Variants in FMNL1 observed in about 807,000 individuals in gnomAD.
FMNL1 encodes the protein formin like 1.
FMNL1 carries 43 observed loss-of-function variants against 121.3 expected under a neutral mutation model. That is an observed-to-expected ratio of 0.35 (90% CI 0.28 to 0.46). The LOEUF is 0.46. FMNL1 is among the 20% of genes least tolerant of loss of function. The probability of loss-of-function intolerance (pLI) is 1.00; values close to 1 mark genes in which losing one functional copy is unlikely to be tolerated. For synonymous variants in FMNL1, 613 were observed against 613.5 expected, an observed-to-expected ratio of 1.00 and a Z score of 0.01; for missense variants, 1,191 against 1,482.4, an observed-to-expected ratio of 0.80 and a Z score of 3.23.
Position 45,231,660 on chromosome 17 carries a change from G to A in FMNL1, c.214-707G>A, listed in dbSNP as rs1216057944. Among the ~76,000 whole-genome samples, 1 of 152,126 alleles carries A rather than the reference G, an allele frequency of 6.6e-6. No homozygotes were observed. Among genetic ancestry groups the A allele is most frequent in the Non-Finnish European group, 1.5e-5 (1 of 67,996 alleles). The stretch of plus-strand genomic sequence containing the variant: ...TTTGCCGTGGTCCCTGCCTCTTTGT[G>A]TGAGTGGCCGCTGGAGCCTGCAGTG... On this transcript the variant is annotated intron_variant, in intron 2 of 26. Coordinates refer to ENST00000331495, the MANE Select transcript of FMNL1 (RefSeq NM_005892.4). This position sits in a 1 kb window ranked among gnomAD's most constrained non-coding sequence, Gnocchi z 4.7.
Position 45,246,984 on chromosome 17 carries a change from A to T in FMNL1, c.*126A>T, listed in dbSNP as rs2043853815. On this transcript the variant is annotated 3_prime_UTR_variant, in exon 27 of 27. Transcript: ENST00000331495. ...CTCTCGCTGTAGCCGCTATTTCTGCAGGTGGATTCTGCAGGGGTGTGGGGC... is the reference window on the plus strand; with the variant it reads ...CTCTCGCTGTAGCCGCTATTTCTGCTGGTGGATTCTGCAGGGGTGTGGGGC... 1.4e-6 allele frequency: 1 copy of T among 724,976 alleles called. No individual in the cohort carries two copies. The highest frequency in any genetic ancestry group is 2.5e-6 in the Non-Finnish European group (1 of 397,512). The allele number at this position is 724,976 out of a possible 1,614,324, so 44.9% of individuals were successfully genotyped here. A position where few individuals can be genotyped will look rare whatever the true frequency, so the allele number is the denominator to read the frequency against.
intron 3 of FMNL1, chr17:45,232,890 C>T (rs762694710): frequency 5.4e-6 from 3 of 551,262 alleles, no homozygotes; most frequent in South Asian, 4.6e-5. Flanking sequence ...TATTCTATGT[C>T]TGTATTTAGA....
At chr17:45,227,654 C>A (rs1299879662) in intron 1 of FMNL1, among the ~76,000 whole-genome samples, 1 of 152,182 alleles carries the variant, frequency 6.6e-6, no homozygotes, top group Non-Finnish European at 1.5e-5. Flanking sequence ...ACCCTACCAT[C>A]CCCTACCCTG....
At chr17:45,243,762 C>T (rs1372572442) in intron 17 of FMNL1, 29 bp from the exon 18 acceptor site, 12 of 1,591,516 alleles carry the variant, frequency 7.5e-6, no homozygotes, top group Non-Finnish European at 1.0e-5. Flanking sequence ...ATGGATGATG[C>T]CCAATCTCCC....
intron 2 of FMNL1, 124 bp from the exon 3 acceptor site, chr17:45,232,243 A>G: frequency 1.3e-6 from 1 of 761,940 alleles, no homozygotes; most frequent in East Asian, 2.7e-5. Flanking sequence ...GGTATTTCAG[A>G]GGCGTCTTAA....
Position 45,231,864 on chromosome 17 carries a change from C to T in FMNL1, c.214-503C>T, listed in dbSNP as rs1156455234. On this transcript the variant is annotated intron_variant, in intron 2 of 26. Transcript: ENST00000331495. This position sits in a 1 kb window ranked among gnomAD's most constrained non-coding sequence, Gnocchi z 4.7. ...CAGCTCTGGTCCAGGGAGGGCACCA[C>T]CTGCTGGCTAGACTGAGTTCCTTCC... Among the ~76,000 whole-genome samples the T allele has an allele frequency of 6.6e-6, 1 of 152,172 alleles. No individual in the cohort carries two copies. The highest frequency in any genetic ancestry group is 1.5e-5 in the Non-Finnish European group (1 of 68,018).
At chr17:45,235,786 G>C (rs940253507) in intron 6 of FMNL1, among the ~76,000 whole-genome samples, 1 of 152,194 alleles carries the variant, frequency 6.6e-6, no homozygotes, top group Non-Finnish European at 1.5e-5. Context: ...CCTGAACCCT[G>C]GCAGTGTGAA....
chr17:45,228,781 T>A (rs11869822), intron 1 of FMNL1, among the ~76,000 whole-genome samples: 46,685 of 151,972 alleles, frequency 0.31, 8,186 homozygotes, highest in East Asian at 0.48. Flanking sequence ...GAAGCAGCTG[T>A]CCCCTCTGTG....
rs2043488119 is a variant in FMNL1, at chr17:45,233,687, G to A, written c.441G>A (p.Leu147=). The A allele has an allele frequency of 6.2e-7, 1 of 1,613,942 alleles. No individual in the cohort carries two copies. The highest frequency in any genetic ancestry group is 1.7e-5 in the Admixed American group (1 of 59,996). ...QEFLNEENRG[L]DVLLEYLAFA... ...TCCTCAATGAAGAGAACCGTGGCCT[G>A]GATGTGCTGCTCGAGTACCTGGCCT... Residue 147 remains leucine (L), a synonymous_variant, in exon 5 of 27, where the codon CTG becomes CTA. Coordinates refer to ENST00000331495, the MANE Select transcript of FMNL1 (RefSeq NM_005892.4). The surrounding 1 kb of genome is among the most constrained non-coding windows in gnomAD (Gnocchi z 4.1).
Position 45,233,938 on chromosome 17 carries a change from A to C in FMNL1, c.486-134A>C. The C allele has an allele frequency of 7.2e-7, 1 of 1,396,932 alleles. No homozygotes were observed. Among genetic ancestry groups the C allele is most frequent in the Non-Finnish European group, 9.6e-7 (1 of 1,037,988 alleles). 86.5% of individuals were successfully genotyped at this position (1,396,932 alleles called of 1,614,324 possible). ...TCTCTTCCACCACTATGTTCAGCAC[A>C]GTGCCAAGAACACAGCCTCCTCCTC... On this transcript the variant is annotated intron_variant, in intron 5 of 26. Transcript: ENST00000331495. This position sits in a 1 kb window ranked among gnomAD's most constrained non-coding sequence, Gnocchi z 4.1.
chr17:45,225,330 G>A (rs999707991), intron 1 of FMNL1, among the ~76,000 whole-genome samples: 2 of 152,220 alleles, frequency 1.3e-5, no homozygotes, highest in Admixed American at 1.3e-4. Flanking sequence ...AGGAGGGACT[G>A]CAACTGAGGC....
At chr17:45,239,126 GTTA>G (rs1459441547) in intron 11 of FMNL1, 61 bp downstream of exon 11, 2 of 1,405,912 alleles carry the variant, frequency 1.4e-6, no homozygotes, top group Admixed American at 1.7e-5. Context: ...TGGCTGAGTG[GTTA>G]GCAGCATGAG....
rs1321569538 is a variant in FMNL1, at chr17:45,243,180, C to T, written c.2073C>T (p.Asp691=). ...CCAAGTCCCAAGGCCCCAGCCTGGA[C>T]CTCAGCGCTCTCAAGAGTAAGGCAG... ...FKTKSQGPSL[D]LSALKSKAAQ... Residue 691 remains aspartate, a synonymous_variant, in exon 17 of 27, where the codon GAC becomes GAT. Transcript: ENST00000331495. 3 of 1,614,126 alleles carry T rather than the reference C, an allele frequency of 1.9e-6. No individual in the cohort carries two copies. Among genetic ancestry groups the T allele is most frequent in the Non-Finnish European group, 2.5e-6 (3 of 1,180,056 alleles).
rs1021592867 is a variant in FMNL1 at position 45,245,035 on chromosome 17, G to A, written c.2655G>A (p.Lys885=). 6.2e-7 allele frequency: 1 copy of A among 1,614,198 alleles called. No homozygotes were observed. The highest frequency in any genetic ancestry group is 8.5e-7 in the Non-Finnish European group (1 of 1,180,026). The stretch of plus-strand genomic sequence containing the variant: ...AGACGCTGCTGCACTACCTGGTGAA[G>A]GTCATTGCTGAGAAGTACCCGCAAC... The part of the protein sequence containing the change: ...RKQTLLHYLV[K]VIAEKYPQLT... The change falls in exon 21 of 27, where the codon AAG becomes AAA. Residue 885 remains lysine (K), a synonymous_variant. Transcript: ENST00000331495.
At chr17:45,238,492 A>T in intron 9 of FMNL1, 72 bp from the exon 10 acceptor site, 2 of 1,518,976 alleles carry the variant, frequency 1.3e-6, no homozygotes, top group Non-Finnish European at 1.8e-6. Context: ...GTTGAAGCAC[A>T]GGTGTGGCAG....
At chr17:45,242,211 A>G (rs1259351432) in intron 15 of FMNL1, 65 bp downstream of exon 15, 2 of 1,545,556 alleles carry the variant, frequency 1.3e-6, no homozygotes, top group Non-Finnish European at 1.7e-6. Context: ...CCTGGGCCTC[A>G]GTGTCCTCCA....
At chr17:45,232,506 T>A in intron 3 of FMNL1, 26 bp downstream of exon 3, 4 of 1,607,576 alleles carry the variant, frequency 2.5e-6, no homozygotes, top group Non-Finnish European at 3.4e-6. Flanking sequence ...CTTTACTCTG[T>A]CCCTTTCCCC....
Position 45,243,994 on chromosome 17 carries a change from A to G in FMNL1, c.2417A>G (p.Asn806Ser). 1 of 1,611,514 alleles carries G rather than the reference A, an allele frequency of 6.2e-7. No individual in the cohort carries two copies. Among genetic ancestry groups the G allele is most frequent in the African/African-American group, 1.3e-5 (1 of 75,074 alleles). ...ERMTTLTFLG[N>S]FPDTAQLLMP... ...ATGACCACACTCACCTTCCTGGGCA[A>G]CTTCCCGGACACAGCCCAGCTGCTC... is the stretch of plus-strand genomic sequence containing the variant. The change falls in exon 18 of 27, where the codon AAC becomes AGC. Residue 806 changes from asparagine to serine, a missense_variant. Coordinates refer to ENST00000331495, the MANE Select transcript of FMNL1 (RefSeq NM_005892.4).
chr17:45,244,872 T>C lies in FMNL1; in HGVS notation c.2571T>C (p.Tyr857=), dbSNP rs779883584. 10 of 1,613,830 alleles carry C rather than the reference T, an allele frequency of 6.2e-6. No individual in the cohort carries two copies. The African/African-American group carries it at 1.1e-4, about 17-fold the overall frequency. ...YMNSSKRGAA[Y]GFRLQSLDAL... ...ACAGTAGCAAGCGTGGGGCAGCCTA[T>C]GGCTTCCGGCTCCAGAGCCTGGATG... Residue 857 remains tyrosine (Y), a synonymous_variant, in exon 20 of 27, where the codon TAT becomes TAC. Coordinates refer to ENST00000331495, the MANE Select transcript of FMNL1 (RefSeq NM_005892.4).
Sources: allele counts gnomAD v4.1 joint callset (sites outside exome capture counted in the v4.1 genomes callset), GRCh38; gene constraint gnomAD v4.1.1; non-coding constraint Gnocchi (gnomAD v3.1); transcripts MANE v1.5; gene names NCBI Gene and HGNC (gene_info 2026-07-23, HGNC 2026-07-21).